PTPRD: variants seen among roughly 807,000 people sequenced by gnomAD.
PTPRD encodes protein tyrosine phosphatase receptor type D.
PTPRD carries 34 observed loss-of-function variants against 214.5 expected under a neutral mutation model. That is an observed-to-expected ratio of 0.16 (90% CI 0.12 to 0.21). PTPRD has a LOEUF of 0.21. Among genes scored for constraint, PTPRD ranks in the 10% least tolerant of loss-of-function variants. The pLI is 1.00. For missense variants in PTPRD, 2,545 were observed against 2,398.7 expected, an observed-to-expected ratio of 1.06 and a Z score of -1.27; for synonymous variants, 1,128 against 845.7, an observed-to-expected ratio of 1.33 and a Z score of -5.79.
intron 10 of PTPRD, among the ~76,000 whole-genome samples, chr9:9,159,647 G>A (rs952292597): frequency 2.0e-5 from 3 of 152,108 alleles, no homozygotes; most frequent in Admixed American, 6.6e-5. Context: ...GTGATCGACA[G>A]GTTGAATACA....
At position 9,184,022 on chromosome 9, in the gene PTPRD, T is replaced by C. The variant is rs529302512; in HGVS notation, c.-202-659A>G. Among the ~76,000 whole-genome samples, 20 of 152,252 alleles carry C rather than the reference T, an allele frequency of 1.3e-4. 1 individual carries two copies. Among genetic ancestry groups the C allele is most frequent in the South Asian group, 1.0e-3 (5 of 4,832 alleles). On this transcript the variant is annotated intron_variant, in intron 9 of 45. Transcript: ENST00000381196. ...TGAAGTCTACCTTAATGATTCATTT[T>C]TGTATTGTTTTCACAATTGCTTTAT...
rs192768534 is a variant in PTPRD at position 9,509,144 on chromosome 9, C to T, written c.-237+65588G>A. Among the ~76,000 whole-genome samples, 4 of 151,352 alleles carry T rather than the reference C, an allele frequency of 2.6e-5. No individual in the cohort carries two copies. The East Asian group carries it at 5.9e-4, about 22-fold the overall frequency. ...AGCTCAGAAAGTAGATTATGGGGAG[C>T]AATACATGGAGGAAAAGCCATTCTA... On this transcript the variant is annotated intron_variant, in intron 8 of 45. Coordinates refer to ENST00000381196, the MANE Select transcript of PTPRD (RefSeq NM_002839.4).
chr9:9,773,372 A>G (rs887499225), intron 5 of PTPRD, among the ~76,000 whole-genome samples: 1 of 152,168 alleles, frequency 6.6e-6, no homozygotes, highest in African/African-American at 2.4e-5. Context: ...ATATGAATAC[A>G]ATGTGGTAAC....
At chr9:8,880,658 T>A (rs2154218211) in intron 11 of PTPRD, among the ~76,000 whole-genome samples, 1 of 152,260 alleles carries the variant, frequency 6.6e-6, no homozygotes, top group African/African-American at 2.4e-5. Context: ...TTATTCCTCA[T>A]CTTAGAGCAT....
At chr9:8,858,828 CATACACACACACAG>C (rs1321980622) in intron 11 of PTPRD, among the ~76,000 whole-genome samples, 1 of 136,426 alleles carries the variant, frequency 7.3e-6, no homozygotes, top group Non-Finnish European at 1.6e-5. Context: ...CACACACACA[CATACACACACACAG>C]ACACACAGAC....
chr9:10,109,228 G>C (rs917682701), intron 3 of PTPRD, among the ~76,000 whole-genome samples: 2 of 152,112 alleles, frequency 1.3e-5, no homozygotes, highest in Non-Finnish European at 2.9e-5. Context: ...GTGAAGTTTT[G>C]TTTCTGATAG....
intron 10 of PTPRD, among the ~76,000 whole-genome samples, chr9:9,173,349 T>G (rs769301512): frequency 2.0e-5 from 3 of 152,166 alleles, no homozygotes; most frequent in Non-Finnish European, 4.4e-5. Context: ...TTCCATTCTG[T>G]GTAGCTGGGT....
At chr9:9,498,255 G>A (rs545589063) in intron 8 of PTPRD, among the ~76,000 whole-genome samples, 1 of 152,210 alleles carries the variant, frequency 6.6e-6, no homozygotes, top group African/African-American at 2.4e-5. Context: ...TATTGCTTAA[G>A]TTCCCTCTTG....
At chr9:10,487,963 A>G (rs1289080841) in intron 2 of PTPRD, among the ~76,000 whole-genome samples, 1 of 72,184 alleles carries the variant, frequency 1.4e-5, no homozygotes, top group African/African-American at 5.4e-5. Flanking sequence ...CCAAATGAAC[A>G]CAGTCTCTCT....
chr9:8,956,948 G>A (rs2099134544), intron 11 of PTPRD, among the ~76,000 whole-genome samples: 1 of 151,796 alleles, frequency 6.6e-6, no homozygotes, highest in Admixed American at 6.6e-5. Context: ...TGTGAAGCCA[G>A]GCTTGGGAAC....
At chr9:8,952,585 T>C (rs753256696) in intron 11 of PTPRD, among the ~76,000 whole-genome samples, 1 of 151,878 alleles carries the variant, frequency 6.6e-6, no homozygotes, top group Non-Finnish European at 1.5e-5. Context: ...TAACTTTAAA[T>C]GGTAAAGATG....
At chr9:9,143,986 T>C (rs1306178415) in intron 10 of PTPRD, among the ~76,000 whole-genome samples, 3 of 152,234 alleles carry the variant, frequency 2.0e-5, no homozygotes, top group African/African-American at 7.2e-5. Flanking sequence ...GAGCAGATGT[T>C]CTGTGAATGG....
At chr9:9,417,175 A>G (rs1314350736) in intron 8 of PTPRD, among the ~76,000 whole-genome samples, 1 of 152,194 alleles carries the variant, frequency 6.6e-6, no homozygotes, top group Non-Finnish European at 1.5e-5. Context: ...TTGGTGCTAC[A>G]GAAGCAGACT....
chr9:10,274,065 G>C (rs1179995259), intron 3 of PTPRD, among the ~76,000 whole-genome samples: 1 of 151,990 alleles, frequency 6.6e-6, no homozygotes, highest in East Asian at 1.9e-4. Flanking sequence ...ATGGCTGTGG[G>C]TTTCTGTTTC....
chr9:8,928,345 T>C (rs2098918981), intron 11 of PTPRD, among the ~76,000 whole-genome samples: 1 of 152,182 alleles, frequency 6.6e-6, no homozygotes, highest in African/African-American at 2.4e-5. Context: ...GGTCTAACAT[T>C]TAAGTCTTTA....
At chr9:9,745,846 G>A (rs749390879) in intron 6 of PTPRD, among the ~76,000 whole-genome samples, 2 of 152,112 alleles carry the variant, frequency 1.3e-5, no homozygotes, top group Non-Finnish European at 2.9e-5. Context: ...CTAAATGCTA[G>A]AATAGCTCTC....
chr9:8,451,824 C>G (rs943292476), intron 33 of PTPRD: 7 of 465,920 alleles, frequency 1.5e-5, no homozygotes, highest in Non-Finnish European at 3.0e-5. Context: ...CATTGTGGCT[C>G]TGCCATTCTT....
intron 11 of PTPRD, among the ~76,000 whole-genome samples, chr9:8,872,333 C>T (rs570908335): frequency 2.6e-5 from 4 of 152,252 alleles, no homozygotes; most frequent in Admixed American, 1.3e-4. Context: ...ATATGATCTC[C>T]CATCCCCTAT....
At chr9:9,929,016 G>A (rs1162190050) in intron 5 of PTPRD, among the ~76,000 whole-genome samples, 1 of 152,140 alleles carries the variant, frequency 6.6e-6, no homozygotes, top group Non-Finnish European at 1.5e-5. Context: ...GAGGTTCGAA[G>A]AGACTTATAT....
Sources: allele counts gnomAD v4.1 joint callset (sites outside exome capture counted in the v4.1 genomes callset), GRCh38; gene constraint gnomAD v4.1.1; transcripts MANE v1.5; gene names NCBI Gene and HGNC (gene_info 2026-07-23, HGNC 2026-07-21).